The following TTLL4 variants were observed in gnomAD, a reference collection of about 807,000 sequenced individuals.
TTLL4 encodes tubulin monoglutamylase TTLL4.
TTLL4 carries 85 observed loss-of-function variants against 122.7 expected under a neutral mutation model. That is an observed-to-expected ratio of 0.69 (90% confidence interval 0.58 to 0.83). The LOEUF (loss-of-function observed/expected upper bound fraction) is 0.83. TTLL4 is among the 40% of genes least tolerant of loss of function. TTLL4 has a pLI of 0.00. For synonymous variants in TTLL4, 553 were observed against 563.0 expected, an observed-to-expected ratio of 0.98 and a Z score of 0.25; for missense variants, 1,363 against 1,488.6, an observed-to-expected ratio of 0.92 and a Z score of 1.39.
intron 1 of TTLL4, among the ~76,000 whole-genome samples, chr2:218,717,612 A>G (rs1268215689): frequency 6.6e-6 from 1 of 152,154 alleles, no homozygotes; most frequent in Non-Finnish European, 1.5e-5. Flanking sequence ...ATCTTGACTT[A>G]TACGGACCCA....
intron 19 of TTLL4, 61 bp from the exon 20 acceptor site, chr2:218,754,073 T>G (rs976349474): frequency 1.0e-5 from 16 of 1,601,682 alleles, no homozygotes; most frequent in Admixed American, 3.4e-5. Flanking sequence ...AGGCAAATCC[T>G]AAGGTAAAGT....
In TTLL4 at chr2:218,747,439, C is replaced by A; in HGVS notation, c.2249+67C>A. 1 of 1,588,696 alleles carries A rather than the reference C, an allele frequency of 6.3e-7. No homozygotes were observed. The highest frequency in any genetic ancestry group is 8.6e-7 in the Non-Finnish European group (1 of 1,163,914). The stretch of plus-strand genomic sequence containing the variant: ...CCTTGGCCTCGAGGTTCCCTTCTTA[C>A]AATGTTCTGCCCTTTGTTCTCCCAG... On this transcript the variant is annotated intron_variant, in intron 10 of 19. Coordinates refer to ENST00000392102, the MANE Select transcript of TTLL4 (RefSeq NM_014640.5). This position sits in a 1 kb window ranked among gnomAD's most constrained non-coding sequence, Gnocchi z 4.7.
chr2:218,753,915 A>G (rs1252148984), intron 19 of TTLL4, among the ~76,000 whole-genome samples: 2 of 152,142 alleles, frequency 1.3e-5, no homozygotes, highest in African/African-American at 4.8e-5. Flanking sequence ...GCTGTGGGAA[A>G]TTGTTAGCCC....
At chr2:218,733,372 C>CGT (rs1942431912) in intron 2 of TTLL4, among the ~76,000 whole-genome samples, 1 of 151,682 alleles carries the variant, frequency 6.6e-6, no homozygotes, top group African/African-American at 2.4e-5. Flanking sequence ...GAAGCAGGCA[C>CGT]GTCTTCACAT....
Position 218,739,157 on chromosome 2 carries a change from A to T in TTLL4, c.1481A>T (p.Asp494Val). 1 of 1,609,718 alleles carries T rather than the reference A, an allele frequency of 6.2e-7. No homozygotes were observed. The highest frequency in any genetic ancestry group is 8.5e-7 in the Non-Finnish European group (1 of 1,178,702). The change falls in exon 3 of 20, where the codon GAT becomes GTT. Residue 494 changes from aspartate (D) to valine (V), a missense_variant. By Grantham distance (152) the Asp-to-Val change is radical. Coordinates refer to ENST00000392102, the MANE Select transcript of TTLL4 (RefSeq NM_014640.5). ...EARELDSSDRDISSATDLQPD... is the reference protein window; with the variant it reads ...EARELDSSDRVISSATDLQPD... ...AGGGAGCTGGACTCATCTGATAGGG[A>T]TATTAGGTATGTTGGCAATGTTTTT... is the stretch of plus-strand genomic sequence containing the variant.
Position 218,737,969 on chromosome 2 carries a change from G to T in TTLL4, c.293G>T (p.Gly98Val). Residue 98 changes from glycine (G) to valine (V), a missense_variant, in exon 3 of 20, where the codon GGC becomes GTC. Physicochemically the swap from Gly to Val is moderately radical, Grantham distance 109. Transcript: ENST00000392102. Reference protein sequence around the residue: ...CSSGTTAVIAGHSSSCYLHSL... With the variant: ...CSSGTTAVIAVHSSSCYLHSL... ...TCTGGGACCACGGCTGTCATTGCAG[G>T]CCACAGCAGTTCCTGTTACCTACAC... is the stretch of plus-strand genomic sequence containing the variant. The T allele has an allele frequency of 1.9e-6, 3 of 1,614,182 alleles. No individual in the cohort carries two copies. Among genetic ancestry groups the T allele is most frequent in the Non-Finnish European group, 2.5e-6 (3 of 1,180,042 alleles).
intron 18 of TTLL4, 69 bp from the exon 19 acceptor site, chr2:218,753,515 C>T: frequency 6.7e-7 from 1 of 1,488,532 alleles, no homozygotes; most frequent in Non-Finnish European, 9.3e-7. Context: ...CTGGAGGGTA[C>T]CAAGACCCCA....
chr2:218,754,031 C>T (rs1943096193), intron 19 of TTLL4, 103 bp from the exon 20 acceptor site: 7 of 1,521,678 alleles, frequency 4.6e-6, no homozygotes, highest in Middle Eastern at 1.8e-4. Context: ...GCCTACAACA[C>T]TGTAATGTCG....
At chr2:218,740,448 G>T in intron 4 of TTLL4, 73 bp from the exon 5 acceptor site, 2 of 1,506,122 alleles carry the variant, frequency 1.3e-6, no homozygotes, top group South Asian at 1.1e-5. Context: ...ATTCAAGGAA[G>T]AGTTGCCTAG....
chr2:218,721,921 C>T (rs762443392), intron 1 of TTLL4, among the ~76,000 whole-genome samples: 8 of 151,682 alleles, frequency 5.3e-5, no homozygotes, highest in Admixed American at 1.3e-4. Flanking sequence ...GGCAGGAATT[C>T]GAGACCAACT....
In TTLL4 at chr2:218,725,862, G is replaced by T. The variant is rs542680874; in HGVS notation, c.-177-1407G>T. 1.4e-4 allele frequency among the ~76,000 whole-genome samples: 22 copies of T among 152,136 alleles called. No homozygotes were observed. The South Asian group carries it at 4.2e-3, about 29-fold the overall frequency. On this transcript the variant is annotated intron_variant, in intron 1 of 19. Transcript: ENST00000392102. ...TGAGCCACCATGCCCAGCCTTATTTGCCTATTTCTTAAGAAGTTGCTGTAG... is the reference window on the plus strand; with the variant it reads ...TGAGCCACCATGCCCAGCCTTATTTTCCTATTTCTTAAGAAGTTGCTGTAG...
chr2:218,720,688 A>G (rs925792989), intron 1 of TTLL4, among the ~76,000 whole-genome samples: 11 of 151,972 alleles, frequency 7.2e-5, no homozygotes, highest in East Asian at 1.9e-4. Context: ...AAAAAAAAAA[A>G]AAAGAAAGAA....
Position 218,739,053 on chromosome 2 carries a change from T to A in TTLL4, c.1377T>A (p.Thr459=). The part of the protein sequence containing the change: ...GKAPGPPFPQ[T]LGIANVATRL... ...CTCCAGGTCCCCCTTTTCCTCAAAC[T>A]CTTGGCATAGCCAACGTGGCCACCC... The change falls in exon 3 of 20, where the codon ACT becomes ACA. Residue 459 remains threonine (T), a synonymous_variant. Coordinates refer to ENST00000392102, the MANE Select transcript of TTLL4 (RefSeq NM_014640.5). 6.2e-7 allele frequency: 1 copy of A among 1,614,086 alleles called. No individual in the cohort carries two copies. Among genetic ancestry groups the A allele is most frequent in the Non-Finnish European group, 8.5e-7 (1 of 1,180,004 alleles).
chr2:218,748,509 G>T, intron 12 of TTLL4: 1 of 457,226 alleles, frequency 2.2e-6, no homozygotes, highest in Non-Finnish European at 3.8e-6. Context: ...ACAAAAATTA[G>T]CTGGGTGTGG....
chr2:218,730,184 GA>G (rs1475532326), intron 2 of TTLL4, among the ~76,000 whole-genome samples: 1 of 151,816 alleles, frequency 6.6e-6, no homozygotes, highest in East Asian at 1.9e-4. Context: ...AATAGAAATG[GA>G]GGTTAGGCAT....
chr2:218,733,284 A>C (rs1942428785), intron 2 of TTLL4, among the ~76,000 whole-genome samples: 1 of 152,186 alleles, frequency 6.6e-6, no homozygotes, highest in South Asian at 2.1e-4. Context: ...AAGAGGTTTA[A>C]TTGGCTCATG....
Position 218,745,178 on chromosome 2 carries a change from C to T in TTLL4, c.1731C>T (p.Tyr577=), listed in dbSNP as rs1249517763. 3 of 1,614,106 alleles carry T rather than the reference C, an allele frequency of 1.9e-6. No homozygotes were observed. Among genetic ancestry groups the T allele is most frequent in the South Asian group, 1.1e-5 (1 of 91,090 alleles). The part of the protein sequence containing the change: ...HEKVVRPALI[Y]SLFPNVPPTI... ...AAGTTGTCCGACCAGCCCTCATCTA[C>T]AGTCTCTTTCCCAACGTTCCCCCTA... Residue 577 remains tyrosine, a synonymous_variant, in exon 6 of 20, where the codon TAC becomes TAT. Transcript: ENST00000392102.
chr2:218,739,586 A>G (rs920960977), intron 3 of TTLL4, among the ~76,000 whole-genome samples: 6 of 152,174 alleles, frequency 3.9e-5, no homozygotes, highest in Admixed American at 6.5e-5. Context: ...TGACTTTCCT[A>G]CTTTTTCCAA....
At chr2:218,751,892 TTTTTTTCTTTTCTTTTTC>T in intron 16 of TTLL4, 86 bp downstream of exon 16, 6 of 860,914 alleles carry the variant, frequency 7.0e-6, no homozygotes, top group Non-Finnish European at 1.0e-5. Context: ...CTTTTCTTTT[TTTTTTTCTTTTCTTTTTC>T]TTTTTTTTTT....
Sources: gnomAD v4.1 joint callset for allele counts (sites outside exome capture counted in the v4.1 genomes callset) on GRCh38, gnomAD v4.1.1 for gene constraint, Gnocchi (gnomAD v3.1) non-coding constraint, MANE v1.5 for transcripts, NCBI Gene and HGNC (gene_info 2026-07-23, HGNC 2026-07-21) for gene names.